Variants in PRAG1 observed in about 807,000 individuals in gnomAD.
PRAG1 encodes PEAK1 related, kinase-activating pseudokinase 1, also known as inactive tyrosine-protein kinase PRAG1.
PRAG1 carries 110 observed loss-of-function variants against 95.6 expected under a neutral mutation model. That is an observed-to-expected ratio of 1.15 (90% CI 0.99 to 1.35). PRAG1 has a LOEUF of 1.35. PRAG1 is among the 40% of genes most tolerant of loss of function. PRAG1 has a pLI of 0.00. For missense variants in PRAG1, 2,554 were observed against 1,864.7 expected, an observed-to-expected ratio of 1.37 and a Z score of -6.81; for synonymous variants, 1,052 against 819.4, an observed-to-expected ratio of 1.28 and a Z score of -4.85.
intron 3 of PRAG1, among the ~76,000 whole-genome samples, chr8:8,371,756 G>C (rs990435755): frequency 2.6e-5 from 4 of 152,126 alleles, no homozygotes; most frequent in Admixed American, 6.5e-5. Flanking sequence ...TGTAGTCCCA[G>C]CTACTCAGGA....
Position 8,328,478 on chromosome 8 carries a change from G to A in PRAG1, c.2321-17C>T. On this transcript the variant is annotated splice_polypyrimidine_tract_variant and intron_variant, in intron 4 of 5. Coordinates refer to ENST00000615670, the MANE Select transcript of PRAG1 (RefSeq NM_001080826.3). ...ACGAGGGACCTGAAGAGGAGAGACAGAAACCATAAGACCAAGGCCAGTGCC... is the reference window on the plus strand; with the variant it reads ...ACGAGGGACCTGAAGAGGAGAGACAAAAACCATAAGACCAAGGCCAGTGCC... 1.2e-6 allele frequency: 2 copies of A among 1,612,184 alleles called. No homozygotes were observed. Among genetic ancestry groups the A allele is most frequent in the East Asian group, 2.2e-5 (1 of 44,856 alleles).
At position 8,328,238 on chromosome 8, in the gene PRAG1, G is replaced by C; in HGVS notation, c.2544C>G (p.Asn848Lys). ...PKPGTASPKLNLSHSETNVHD... is the reference protein window; with the variant it reads ...PKPGTASPKLKLSHSETNVHD... ...GGACGTTGGTTTCCGAGTGGCTTAG[G>C]TTCAGCTTGGGGCTTGCTGTTCCGG... The change falls in exon 5 of 6, where the codon AAC becomes AAG. Residue 848 changes from asparagine (N) to lysine (K), a missense_variant. Coordinates refer to ENST00000615670, the MANE Select transcript of PRAG1 (RefSeq NM_001080826.3). 1 of 1,614,226 alleles carries C rather than the reference G, an allele frequency of 6.2e-7. No individual in the cohort carries two copies. The highest frequency in any genetic ancestry group is 1.7e-5 in the Admixed American group (1 of 60,022).
At position 8,381,665 on chromosome 8, in the gene PRAG1, C is replaced by G; in HGVS notation, c.83G>C (p.Gly28Ala). Residue 28 changes from glycine to alanine, a missense_variant, in exon 2 of 6, where the codon GGG becomes GCG. Physicochemically the swap from Gly to Ala is moderately conservative, Grantham distance 60 (BLOSUM62 0). Transcript: ENST00000615670. ...CAGGCAGAAGCAGTTCTTGCAGGAC[C>G]CGGGTTTCCAGATGTGCTCCACAAA... ...SDFVEHIWKP[G>A]SCKNCFCLRS... 1 of 1,613,758 alleles carries G rather than the reference C, an allele frequency of 6.2e-7. No homozygotes were observed. The highest frequency in any genetic ancestry group is 1.7e-5 in the Admixed American group (1 of 60,008).
chr8:8,326,710 G>C (rs564579041), intron 5 of PRAG1, among the ~76,000 whole-genome samples: 1 of 152,330 alleles, frequency 6.6e-6, no homozygotes, highest in Non-Finnish European at 1.5e-5. Context: ...GTCACTTAAT[G>C]TCTCTGAACT....
chr8:8,368,881 T>C (rs1361966993), intron 3 of PRAG1, among the ~76,000 whole-genome samples: 1 of 151,692 alleles, frequency 6.6e-6, no homozygotes, highest in Non-Finnish European at 1.5e-5. Context: ...AAAATATTAT[T>C]TTGGCAAGAG....
chr8:8,338,393 G>C (rs1298313958), intron 4 of PRAG1, among the ~76,000 whole-genome samples: 1 of 152,268 alleles, frequency 6.6e-6, no homozygotes, highest in African/African-American at 2.4e-5. Flanking sequence ...ATCTCCAAGA[G>C]AGTGGATCAG....
intron 4 of PRAG1, 28 bp from the exon 5 acceptor site, chr8:8,328,489 A>T (rs1798720739): frequency 6.2e-7 from 1 of 1,610,162 alleles, no homozygotes; most frequent in Non-Finnish European, 8.5e-7. Context: ...AAACCATAAG[A>T]CCAAGGCCAG....
intron 3 of PRAG1, chr8:8,374,779 G>T: frequency 1.1e-6 from 1 of 891,798 alleles, no homozygotes; most frequent in Non-Finnish European, 1.3e-6. Context: ...CAAAGTAGTG[G>T]TCATGAGAAA....
chr8:8,365,576 A>G (rs906180910), intron 3 of PRAG1, among the ~76,000 whole-genome samples: 8 of 152,054 alleles, frequency 5.3e-5, no homozygotes, highest in Non-Finnish European at 1.2e-4. Context: ...GTGAGCTGAC[A>G]TCGCGCCATT....
At chr8:8,341,415 G>C (rs1799159261) in intron 3 of PRAG1, among the ~76,000 whole-genome samples, 2 of 152,122 alleles carry the variant, frequency 1.3e-5, no homozygotes, top group African/African-American at 4.8e-5. Context: ...TACAAAGAGG[G>C]AACTCCACAC....
chr8:8,351,425 G>C (rs1347598052), intron 3 of PRAG1, among the ~76,000 whole-genome samples: 1 of 152,134 alleles, frequency 6.6e-6, no homozygotes, highest in Non-Finnish European at 1.5e-5. Context: ...CCATATGACT[G>C]AGTAATTCTT....
chr8:8,377,251 G>A lies in PRAG1; in HGVS notation c.1158C>T (p.Thr386=), dbSNP rs538243031. The change falls in exon 3 of 6, where the codon ACC becomes ACT. Residue 386 remains threonine, a synonymous_variant. Coordinates refer to ENST00000615670, the MANE Select transcript of PRAG1 (RefSeq NM_001080826.3). ...KQQDPGCPGV[T]PSRCLGLTGE... The stretch of plus-strand genomic sequence containing the variant: ...CCGTCAGCCCAAGGCATCTGCTAGG[G>A]GTCACCCCTGGGCAGCCAGGGTCCT... 1.2e-6 allele frequency: 2 copies of A among 1,612,862 alleles called. No individual in the cohort carries two copies. The highest frequency in any genetic ancestry group is 2.2e-5 in the East Asian group (1 of 44,860).
rs779942164 is a variant in PRAG1, at chr8:8,377,225, C to A, written c.1184G>T (p.Gly395Val). ...GGGGTGGGCCGGGGGCTGGGGCTCC[C>A]CCGTCAGCCCAAGGCATCTGCTAGG... is the stretch of plus-strand genomic sequence containing the variant. ...VTPSRCLGLT[G>V]EPQPPAHPRE... Residue 395 changes from glycine to valine, a missense_variant, in exon 3 of 6, where the codon GGG (glycine) becomes GTG (valine). Gly to Val is a moderately radical substitution (Grantham distance 109, BLOSUM62 -3). Transcript: ENST00000615670. The A allele has an allele frequency of 2.5e-6, 4 of 1,612,394 alleles. No homozygotes were observed. The highest frequency in any genetic ancestry group is 3.4e-6 in the Non-Finnish European group (4 of 1,179,822).
intron 4 of PRAG1, among the ~76,000 whole-genome samples, chr8:8,337,004 G>A (rs1434814156): frequency 2.0e-5 from 3 of 148,876 alleles, no homozygotes; most frequent in South Asian, 2.1e-4. Flanking sequence ...CTACTATCAT[G>A]ATATGCCCTG....
Position 8,386,417 on chromosome 8 carries a change from C to G in PRAG1, c.-184G>C, listed in dbSNP as rs10216498. ...CAGAAGGTCTGCGCGCGGTGCGTGC[C>G]CGGCCGCGGGCGGGTGGCTTCTGCC... is the stretch of plus-strand genomic sequence containing the variant. On this transcript the variant is annotated 5_prime_UTR_variant, in exon 1 of 6. Coordinates refer to ENST00000615670, the MANE Select transcript of PRAG1 (RefSeq NM_001080826.3). The G allele has an allele frequency of 6.6e-6, 1 of 151,704 alleles. No homozygotes were observed. The highest frequency in any genetic ancestry group is 1.9e-4 in the East Asian group (1 of 5,146). 9.4% of individuals were successfully genotyped at this position (151,704 alleles called of 1,614,324 possible).
At chr8:8,384,703 C>G (rs1198570560) in intron 1 of PRAG1, among the ~76,000 whole-genome samples, 1 of 149,718 alleles carries the variant, frequency 6.7e-6, no homozygotes, top group Non-Finnish European at 1.5e-5. Context: ...TGGTGAGAAA[C>G]ACAAGTGGCA....
At chr8:8,335,154 A>G (rs140320364) in intron 4 of PRAG1, among the ~76,000 whole-genome samples, 1 of 152,196 alleles carries the variant, frequency 6.6e-6, no homozygotes, top group Non-Finnish European at 1.5e-5. Flanking sequence ...TTTAAAATAC[A>G]CATACAGTTT....
chr8:8,322,829 C>T (rs774894864), intron 5 of PRAG1, among the ~76,000 whole-genome samples: 2 of 152,116 alleles, frequency 1.3e-5, no homozygotes, highest in African/African-American at 2.4e-5. Flanking sequence ...TGGAAGCTCC[C>T]CCGGCCCCCT....
chr8:8,381,091 G>A (rs1800621947), intron 2 of PRAG1, among the ~76,000 whole-genome samples: 1 of 152,080 alleles, frequency 6.6e-6, no homozygotes, highest in Non-Finnish European at 1.5e-5. Flanking sequence ...TGCAATTATT[G>A]CTACTTGTAT....
Sources: allele counts gnomAD v4.1 joint callset (sites outside exome capture counted in the v4.1 genomes callset), GRCh38; gene constraint gnomAD v4.1.1; transcripts MANE v1.5; gene names NCBI Gene and HGNC (gene_info 2026-07-23, HGNC 2026-07-21).